RBFOX1: variants seen among roughly 807,000 people sequenced by gnomAD.
RBFOX1 encodes the protein RNA binding fox-1 homolog 1, also known as RNA binding protein fox-1 homolog 1.
A neutral mutation model predicts 57.7 loss-of-function variants in RBFOX1; 8 were observed. That is an observed-to-expected ratio of 0.14 (90% CI 0.08 to 0.25). The LOEUF is 0.25. RBFOX1 is among the 10% of genes least tolerant of loss of function. The pLI, the probability that RBFOX1 is intolerant of heterozygous loss-of-function variation, is 1.00. For missense variants in RBFOX1, 611 were observed against 548.5 expected (o/e 1.11, Z -1.14); for synonymous variants, 326 against 222.4 (o/e 1.47, Z -4.15).
chr16:6,013,283 A>G (rs897194980), intron 4 of RBFOX1, among the ~76,000 whole-genome samples: 3 of 152,236 alleles, frequency 2.0e-5, no homozygotes, highest in Non-Finnish European at 2.9e-5. Flanking sequence ...TAAATCAAAG[A>G]CACAGCTTAG....
chr16:7,199,327 G>T (rs200701096), intron 4 of RBFOX1, among the ~76,000 whole-genome samples: 3 of 151,620 alleles, frequency 2.0e-5, no homozygotes, highest in Non-Finnish European at 2.9e-5. Context: ...TGTTTAAAGG[G>T]TTTTTTTTCT....
chr16:5,498,665 G>A (rs1027113009), intron 2 of RBFOX1, among the ~76,000 whole-genome samples: 1 of 152,170 alleles, frequency 6.6e-6, no homozygotes, highest in African/African-American at 2.4e-5. Context: ...AGAAGATGGG[G>A]ATAAGCATTT....
chr16:7,200,034 T>A (rs2087914085), intron 4 of RBFOX1, among the ~76,000 whole-genome samples: 1 of 152,226 alleles, frequency 6.6e-6, no homozygotes, highest in Admixed American at 6.5e-5. Flanking sequence ...AGAGCCAGAT[T>A]TCTGGGAAAT....
intron 4 of RBFOX1, among the ~76,000 whole-genome samples, chr16:7,272,943 C>T (rs913981861): frequency 7.1e-6 from 1 of 140,800 alleles, no homozygotes; most frequent in Non-Finnish European, 1.5e-5. Flanking sequence ...TCACTTCCTT[C>T]CCTGCTTTCT....
At chr16:7,537,333 A>G (rs913075393) in intron 5 of RBFOX1, among the ~76,000 whole-genome samples, 1 of 152,200 alleles carries the variant, frequency 6.6e-6, no homozygotes. Context: ...TTTTGTGACA[A>G]TTTGGGACGG....
intron 1 of RBFOX1, among the ~76,000 whole-genome samples, chr16:6,165,486 G>A (rs2096910525): frequency 6.6e-6 from 1 of 152,228 alleles, no homozygotes; most frequent in East Asian, 1.9e-4. Flanking sequence ...ACTCAAAAGA[G>A]TTCAAAATGA....
At chr16:6,187,482 C>G (rs1195573118) in intron 1 of RBFOX1, among the ~76,000 whole-genome samples, 1 of 152,082 alleles carries the variant, frequency 6.6e-6, no homozygotes, top group Non-Finnish European at 1.5e-5. Flanking sequence ...CTAAGCTTTT[C>G]TAATGATGGG....
At position 6,216,459 on chromosome 16, in the gene RBFOX1, T is replaced by A. The variant is rs1055898943; in HGVS notation, c.-126-100536T>A. Reference sequence around the variant, plus strand: ...TTTTGCCAACACCATTAGCTCCCCCTCTTAATCCGAACTGCTGTATCGCTG... The same window carrying A: ...TTTTGCCAACACCATTAGCTCCCCCACTTAATCCGAACTGCTGTATCGCTG... On this transcript the variant is annotated intron_variant, in intron 1 of 15. Coordinates refer to ENST00000550418, the MANE Select transcript of RBFOX1 (RefSeq NM_018723.4). Among the ~76,000 whole-genome samples the A allele has an allele frequency of 3.3e-5, 5 of 152,222 alleles. No individual in the cohort carries two copies. In the East Asian group the frequency reaches 9.7e-4, roughly 30 times the overall value.
chr16:6,793,884 G>T (rs1444031580), intron 3 of RBFOX1, among the ~76,000 whole-genome samples: 2 of 152,114 alleles, frequency 1.3e-5, no homozygotes, highest in Non-Finnish European at 2.9e-5. Flanking sequence ...TTTTAAAAAG[G>T]TTATGAAACA....
chr16:6,964,190 G>A (rs1293939585), intron 3 of RBFOX1, among the ~76,000 whole-genome samples: 2 of 151,716 alleles, frequency 1.3e-5, no homozygotes, highest in African/African-American at 4.8e-5. Flanking sequence ...GCTAATTTTT[G>A]TATTTTTTAG....
intron 3 of RBFOX1, among the ~76,000 whole-genome samples, chr16:6,871,678 C>G (rs559747550): frequency 6.6e-6 from 1 of 152,134 alleles, no homozygotes; most frequent in Non-Finnish European, 1.5e-5. Context: ...TTTCTTCCTC[C>G]ACTCTTGTCC....
chr16:7,318,346 T>C (rs766282881), intron 4 of RBFOX1, among the ~76,000 whole-genome samples: 6 of 151,502 alleles, frequency 4.0e-5, no homozygotes, highest in Non-Finnish European at 7.4e-5. Flanking sequence ...GTGCTGATGG[T>C]GGTAGTTGCA....
intron 3 of RBFOX1, among the ~76,000 whole-genome samples, chr16:7,005,036 T>C (rs2093175190): frequency 6.6e-6 from 1 of 151,972 alleles, no homozygotes; most frequent in South Asian, 2.1e-4. Context: ...CCCAGCTACT[T>C]GGGAGGCTGA....
chr16:7,269,721 T>G (rs972671207), intron 4 of RBFOX1, among the ~76,000 whole-genome samples: 2 of 152,220 alleles, frequency 1.3e-5, no homozygotes, highest in Non-Finnish European at 2.9e-5. Context: ...GAGAATTTTC[T>G]TATACTCAAG....
intron 3 of RBFOX1, among the ~76,000 whole-genome samples, chr16:6,879,469 G>A (rs1452536761): frequency 6.6e-6 from 1 of 152,008 alleles, no homozygotes; most frequent in Non-Finnish European, 1.5e-5. Flanking sequence ...GTGTATCATT[G>A]ATTGATGACC....
intron 4 of RBFOX1, among the ~76,000 whole-genome samples, chr16:7,084,539 CA>C (rs1290229773): frequency 2.0e-5 from 3 of 152,022 alleles, no homozygotes; most frequent in Non-Finnish European, 4.4e-5. Context: ...AGCAATGCCC[CA>C]AAAGAAAGGG....
intron 1 of RBFOX1, among the ~76,000 whole-genome samples, chr16:6,175,754 TC>T (rs2097001456): frequency 6.6e-6 from 1 of 152,152 alleles, no homozygotes; most frequent in African/African-American, 2.4e-5. Flanking sequence ...GTTGTACTGG[TC>T]TGTGGACTGC....
At chr16:7,398,425 A>C (rs1036831635) in intron 4 of RBFOX1, among the ~76,000 whole-genome samples, 1 of 152,242 alleles carries the variant, frequency 6.6e-6, no homozygotes, top group Non-Finnish European at 1.5e-5. Flanking sequence ...ACAGTGTTAA[A>C]GAATCTCAAT....
intron 3 of RBFOX1, among the ~76,000 whole-genome samples, chr16:5,648,756 T>C (rs2049130982): frequency 6.6e-6 from 1 of 152,166 alleles, no homozygotes; most frequent in Non-Finnish European, 1.5e-5. Context: ...CTCTTTTTAT[T>C]TGCATATTTT....
Sources: allele counts gnomAD v4.1 joint callset (sites outside exome capture counted in the v4.1 genomes callset), GRCh38; gene constraint gnomAD v4.1.1; transcripts MANE v1.5; gene names NCBI Gene and HGNC (gene_info 2026-07-23, HGNC 2026-07-21).